The following BBX variants were observed in gnomAD, a reference collection of about 807,000 sequenced individuals.
BBX encodes BBX high mobility group box domain containing.
BBX carries 30 observed loss-of-function variants against 100.2 expected under a neutral mutation model. That is an observed-to-expected ratio of 0.30 (90% confidence interval 0.22 to 0.41). BBX has a LOEUF of 0.41. BBX is among the 10% of genes least tolerant of loss of function. The pLI is 1.00. For synonymous variants in BBX, 376 were observed against 388.1 expected, an observed-to-expected ratio of 0.97 and a Z score of 0.37; for missense variants, 1,023 against 1,129.8, an observed-to-expected ratio of 0.91 and a Z score of 1.35.
rs776550174 is a variant in BBX, at chr3:107,805,421, G to T, written c.2790G>T (p.Pro930=). 3.1e-6 allele frequency: 5 copies of T among 1,613,906 alleles called. No individual in the cohort carries two copies. Among genetic ancestry groups the T allele is most frequent in the Non-Finnish European group, 1.7e-6 (2 of 1,179,946 alleles). Residue 930 remains proline (P), a synonymous_variant, in exon 18 of 18, where the codon CCG becomes CCT. Transcript: ENST00000325805. ...LTHDGQPKEM[P]QAPVLISCAD... is the part of the protein sequence containing the mutation. ...ATGATGGACAGCCAAAAGAAATGCC[G>T]CAGGCTCCTGTACTTATTTCCTGCG...
At chr3:107,531,822 A>G (rs867395441) in intron 2 of BBX, among the ~76,000 whole-genome samples, 17 of 152,238 alleles carry the variant, frequency 1.1e-4, no homozygotes, top group African/African-American at 3.9e-4. Flanking sequence ...AGCTCTTTTC[A>G]TATTTCACGG....
chr3:107,673,575 C>G (rs963411453), intron 3 of BBX, among the ~76,000 whole-genome samples: 3 of 152,018 alleles, frequency 2.0e-5, no homozygotes, highest in African/African-American at 7.2e-5. Context: ...GGTAAACATT[C>G]TAAGACTCTC....
chr3:107,774,958 A>G, intron 12 of BBX, 101 bp downstream of exon 12: 1 of 1,380,618 alleles, frequency 7.2e-7, no homozygotes, highest in Non-Finnish European at 9.7e-7. Flanking sequence ...TTGTTCTTTG[A>G]CTACTCGCTC....
intron 2 of BBX, among the ~76,000 whole-genome samples, chr3:107,632,841 G>A (rs1187884410): frequency 1.3e-5 from 2 of 152,184 alleles, no homozygotes; most frequent in Non-Finnish European, 2.9e-5. Flanking sequence ...AGCTAAGTCT[G>A]TAAGATACAA....
chr3:107,583,320 G>C (rs1430309855), intron 2 of BBX, among the ~76,000 whole-genome samples: 2 of 151,898 alleles, frequency 1.3e-5, no homozygotes, highest in Non-Finnish European at 2.9e-5. Flanking sequence ...CTGCTCAACT[G>C]CTTATATTAT....
intron 2 of BBX, among the ~76,000 whole-genome samples, chr3:107,577,550 G>A (rs927588405): frequency 1.3e-5 from 2 of 152,138 alleles, no homozygotes; most frequent in African/African-American, 2.4e-5. Flanking sequence ...AAATGGGAAA[G>A]TAATAGTACC....
At chr3:107,638,335 G>C (rs996783484) in intron 2 of BBX, among the ~76,000 whole-genome samples, 1 of 152,154 alleles carries the variant, frequency 6.6e-6, no homozygotes, top group Non-Finnish European at 1.5e-5. Flanking sequence ...AATTATAGGC[G>C]TGAGCCATGG....
intron 3 of BBX, among the ~76,000 whole-genome samples, chr3:107,674,589 T>C (rs1210867963): frequency 6.6e-6 from 1 of 152,202 alleles, no homozygotes; most frequent in Non-Finnish European, 1.5e-5. Context: ...TTCTTTCCCC[T>C]GGCAGCGGTT....
intron 7 of BBX, among the ~76,000 whole-genome samples, chr3:107,736,634 A>G (rs561473397): frequency 1.3e-5 from 2 of 152,228 alleles, no homozygotes; most frequent in Admixed American, 1.3e-4. Flanking sequence ...AGAAATCCTT[A>G]TATTTGTTAG....
At chr3:107,587,814 A>G (rs1427500739) in intron 2 of BBX, among the ~76,000 whole-genome samples, 1 of 152,216 alleles carries the variant, frequency 6.6e-6, no homozygotes, top group Non-Finnish European at 1.5e-5. Flanking sequence ...GAAATGGTTT[A>G]TCTACAATCC....
intron 2 of BBX, among the ~76,000 whole-genome samples, chr3:107,612,530 C>T (rs892706686): frequency 1.1e-4 from 17 of 152,224 alleles, no homozygotes; most frequent in African/African-American, 3.4e-4. Context: ...GGATAAGATC[C>T]GAAAGAATTC....
At chr3:107,729,673 GC>G (rs1282151204) in intron 6 of BBX, among the ~76,000 whole-genome samples, 1 of 152,168 alleles carries the variant, frequency 6.6e-6, no homozygotes, top group Non-Finnish European at 1.5e-5. Flanking sequence ...GATGAAATTA[GC>G]AGATTGAGCA....
At chr3:107,742,454 G>A (rs1194669234) in intron 7 of BBX, among the ~76,000 whole-genome samples, 5 of 151,890 alleles carry the variant, frequency 3.3e-5, no homozygotes, top group Admixed American at 3.3e-4. Flanking sequence ...ATTTTGTGCT[G>A]TTTCCACTAT....
chr3:107,740,267 T>C (rs1173353610), intron 7 of BBX, among the ~76,000 whole-genome samples: 4 of 151,998 alleles, frequency 2.6e-5, no homozygotes, highest in African/African-American at 9.7e-5. Flanking sequence ...AGACACTCAC[T>C]GCCTCCTTCC....
chr3:107,553,115 A>G (rs1044219569), intron 2 of BBX, among the ~76,000 whole-genome samples: 4 of 152,200 alleles, frequency 2.6e-5, no homozygotes, highest in African/African-American at 4.8e-5. Flanking sequence ...AATTTGGCTT[A>G]TTTGGTATTT....
chr3:107,707,951 A>T (rs563644634), intron 3 of BBX, among the ~76,000 whole-genome samples: 2 of 152,310 alleles, frequency 1.3e-5, no homozygotes, highest in African/African-American at 4.8e-5. Flanking sequence ...TCTCCAACTG[A>T]TAGAAGTTGC....
At position 107,778,463 on chromosome 3, in the gene BBX, C is replaced by A. The variant is rs2067507491; in HGVS notation, c.2147C>A (p.Pro716Gln). 2.5e-6 allele frequency: 4 copies of A among 1,613,266 alleles called. No individual in the cohort carries two copies. Among genetic ancestry groups the A allele is most frequent in the Non-Finnish European group, 3.4e-6 (4 of 1,179,510 alleles). ...VTFDRKCVPVPRKKKKTGNVS... is the reference protein window; with the variant it reads ...VTFDRKCVPVQRKKKKTGNVS... The stretch of plus-strand genomic sequence containing the variant: ...TTTGACCGGAAATGTGTACCTGTCC[C>A]AAGAAAAAAGAAGAAGACTGGAAAT... Residue 716 changes from proline to glutamine, a missense_variant, in exon 13 of 18, where the codon CCA becomes CAA. Transcript: ENST00000325805.
chr3:107,741,584 A>G (rs967071572), intron 7 of BBX, among the ~76,000 whole-genome samples: 1 of 152,092 alleles, frequency 6.6e-6, no homozygotes, highest in Non-Finnish European at 1.5e-5. Flanking sequence ...CTTATTTAAT[A>G]TTTTTTCTTT....
At chr3:107,621,706 G>A (rs1336503944) in intron 2 of BBX, among the ~76,000 whole-genome samples, 1 of 152,088 alleles carries the variant, frequency 6.6e-6, no homozygotes, top group African/African-American at 2.4e-5. Flanking sequence ...TTTGGTCTTG[G>A]TTTTGTATAT....
Sources: gnomAD v4.1 joint callset for allele counts (sites outside exome capture counted in the v4.1 genomes callset) on GRCh38, gnomAD v4.1.1 for gene constraint, MANE v1.5 for transcripts, NCBI Gene and HGNC (gene_info 2026-07-23, HGNC 2026-07-21) for gene names.